Variants in MAGI3 observed in about 807,000 individuals in gnomAD.
MAGI3 encodes the protein membrane-associated guanylate kinase, WW and PDZ domain-containing protein 3.
Under a neutral mutation model 121.8 loss-of-function variants are expected in MAGI3, and 43 were observed. The observed-to-expected ratio is 0.35, with a 90% CI of 0.28 to 0.46. The LOEUF (loss-of-function observed/expected upper bound fraction) is 0.46, where lower values mean the gene tolerates loss of function less well. Ranked by LOEUF, MAGI3 falls within the 20% of genes least tolerant of loss-of-function variation. MAGI3 has a pLI of 1.00. For missense variants in MAGI3, 1,547 were observed against 1,797.3 expected, an observed-to-expected ratio of 0.86 and a Z score of 2.52; for synonymous variants, 553 against 639.3, an observed-to-expected ratio of 0.86 and a Z score of 2.04.
chr1:113,601,767 G>A (rs1395452366), intron 6 of MAGI3, among the ~76,000 whole-genome samples: 5 of 144,566 alleles, frequency 3.5e-5, no homozygotes, highest in African/African-American at 1.3e-4. Context: ...AAAGACACAT[G>A]CACAAGTATG....
intron 1 of MAGI3, among the ~76,000 whole-genome samples, chr1:113,435,786 A>G (rs1315134478): frequency 6.6e-6 from 1 of 152,162 alleles, no homozygotes; most frequent in African/African-American, 2.4e-5. Flanking sequence ...AAAAAGGGAC[A>G]GCAAAGAACT....
intron 6 of MAGI3, among the ~76,000 whole-genome samples, chr1:113,611,398 T>C (rs966607157): frequency 6.6e-6 from 1 of 152,124 alleles, no homozygotes; most frequent in Non-Finnish European, 1.5e-5. Context: ...ATTTTCATAA[T>C]TATTCAATAA....
intron 1 of MAGI3, chr1:113,449,941 G>T (rs1170196278): frequency 6.6e-7 from 1 of 1,523,274 alleles, no homozygotes; most frequent in Admixed American, 1.7e-5. Context: ...GTTGATGGGC[G>T]TGTAGTGGAA....
In MAGI3 at chr1:113,639,524, C is replaced by T. The variant is rs191750441; in HGVS notation, c.1361-2387C>T. Among the ~76,000 whole-genome samples the T allele has an allele frequency of 3.3e-3, 504 of 152,224 alleles. 1 individual carries two copies. Among genetic ancestry groups the T allele is most frequent in the Admixed American group, 7.1e-3 (109 of 15,290 alleles). On this transcript the variant is annotated intron_variant, in intron 9 of 20. Transcript: ENST00000307546. Reference sequence around the variant, plus strand: ...TCAAGTGATTCTCCTGCCTCAGCTTCCTAAGTACCTGGGATTACAGGCGCA... The same window carrying T: ...TCAAGTGATTCTCCTGCCTCAGCTTTCTAAGTACCTGGGATTACAGGCGCA...
chr1:113,451,154 AT>A (rs1400719744), intron 1 of MAGI3, among the ~76,000 whole-genome samples: 1 of 152,204 alleles, frequency 6.6e-6, no homozygotes, highest in Non-Finnish European at 1.5e-5. Flanking sequence ...CATAAATGAA[AT>A]TGGTCCATCA....
chr1:113,537,083 A>G (rs1191225737), intron 1 of MAGI3, among the ~76,000 whole-genome samples: 1 of 152,170 alleles, frequency 6.6e-6, no homozygotes, highest in African/African-American at 2.4e-5. Context: ...CCTTGGTACA[A>G]CTTGGCTCTT....
intron 2 of MAGI3, among the ~76,000 whole-genome samples, chr1:113,562,666 C>T (rs957642959): frequency 4.6e-5 from 7 of 151,986 alleles, no homozygotes; most frequent in Non-Finnish European, 8.8e-5. Flanking sequence ...TGGGGAACAA[C>T]ACACACTGGG....
Position 113,682,827 on chromosome 1 carries a change from A to G in MAGI3, c.3329-70A>G, listed in dbSNP as rs563838702. The G allele has an allele frequency of 6.2e-6, 9 of 1,463,388 alleles. No individual in the cohort carries two copies. In the South Asian group the frequency reaches 1.4e-4, roughly 22 times the overall value. 90.7% of individuals were successfully genotyped at this position (1,463,388 alleles called of 1,614,324 possible). On this transcript the variant is annotated intron_variant, in intron 20 of 20. Coordinates refer to ENST00000307546, the MANE Select transcript of MAGI3 (RefSeq NM_001142782.2). ...TTACGACAATTCAAATGGCTGTCAAAGTTCAAAACGTATTGTTCCTATTTG... is the reference window on the plus strand; with the variant it reads ...TTACGACAATTCAAATGGCTGTCAAGGTTCAAAACGTATTGTTCCTATTTG...
At chr1:113,510,635 A>G (rs1202814595) in intron 1 of MAGI3, among the ~76,000 whole-genome samples, 2 of 152,332 alleles carry the variant, frequency 1.3e-5, no homozygotes, top group Middle Eastern at 3.4e-3. Flanking sequence ...AATCTTGGTC[A>G]TATGACATTC....
At chr1:113,479,181 A>G (rs1655995530) in intron 1 of MAGI3, among the ~76,000 whole-genome samples, 1 of 152,172 alleles carries the variant, frequency 6.6e-6, no homozygotes, top group Non-Finnish European at 1.5e-5. Context: ...GGAAAGGGAA[A>G]TCCCCTGATC....
At chr1:113,646,116 A>T (rs1652818029) in intron 11 of MAGI3, among the ~76,000 whole-genome samples, 1 of 151,966 alleles carries the variant, frequency 6.6e-6, no homozygotes, top group African/African-American at 2.4e-5. Context: ...TTTTATGAAG[A>T]TATTCTCTGA....
chr1:113,672,797 C>T, intron 18 of MAGI3, 56 bp downstream of exon 18: 10 of 1,546,976 alleles, frequency 6.5e-6, no homozygotes, highest in Non-Finnish European at 8.7e-6. Flanking sequence ...ATACCACTGG[C>T]ATTGGTGAAT....
At chr1:113,496,605 A>G (rs2101590758) in intron 1 of MAGI3, among the ~76,000 whole-genome samples, 1 of 152,222 alleles carries the variant, frequency 6.6e-6, no homozygotes, top group South Asian at 2.1e-4. Context: ...TTATTGATCT[A>G]TTTCTTAGTA....
chr1:113,523,006 G>C (rs139929241), intron 1 of MAGI3, among the ~76,000 whole-genome samples: 1 of 152,228 alleles, frequency 6.6e-6, no homozygotes, highest in East Asian at 1.9e-4. Context: ...TGTTGTGGGA[G>C]GAAATTGAAT....
At chr1:113,539,522 G>A (rs966518801) in intron 1 of MAGI3, among the ~76,000 whole-genome samples, 5 of 151,356 alleles carry the variant, frequency 3.3e-5, no homozygotes, top group African/African-American at 4.9e-5. Context: ...TATGTGTGTC[G>A]CTTACATTTT....
At chr1:113,608,168 C>T (rs1244347156) in intron 6 of MAGI3, among the ~76,000 whole-genome samples, 1 of 151,558 alleles carries the variant, frequency 6.6e-6, no homozygotes, top group Non-Finnish European at 1.5e-5. Flanking sequence ...ATTTTTGACA[C>T]ATTCATCTGT....
At chr1:113,670,348 A>G (rs1012942607) in intron 16 of MAGI3, among the ~76,000 whole-genome samples, 2 of 152,246 alleles carry the variant, frequency 1.3e-5, no homozygotes, top group African/African-American at 2.4e-5. Flanking sequence ...TTAGTCTCAC[A>G]GCACTTTGGA....
At chr1:113,589,970 G>A (rs190980898) in intron 4 of MAGI3, among the ~76,000 whole-genome samples, 3 of 152,178 alleles carry the variant, frequency 2.0e-5, no homozygotes, top group Admixed American at 6.5e-5. Context: ...GCTTAGTATA[G>A]CAGGTGAGAG....
At chr1:113,512,094 CA>C (rs2101612741) in intron 1 of MAGI3, among the ~76,000 whole-genome samples, 1 of 152,164 alleles carries the variant, frequency 6.6e-6, no homozygotes, top group East Asian at 1.9e-4. Context: ...ATTTTTTTCA[CA>C]TTTAAAATCA....
Sources: gnomAD v4.1 joint callset for allele counts (sites outside exome capture counted in the v4.1 genomes callset) on GRCh38, gnomAD v4.1.1 for gene constraint, MANE v1.5 for transcripts, NCBI Gene and HGNC (gene_info 2026-07-23, HGNC 2026-07-21) for gene names.